The following ECT2L variants were observed in gnomAD, a reference collection of about 807,000 sequenced individuals.
ECT2L encodes the protein epithelial cell-transforming sequence 2 oncogene-like.
ECT2L carries 126 observed loss-of-function variants against 122.8 expected under a neutral mutation model. The ratio of observed to expected loss-of-function variants is 1.03; its 90% CI spans 0.89 to 1.19. The LOEUF (loss-of-function observed/expected upper bound fraction) is 1.19. Among genes scored for constraint, ECT2L ranks in the 50% most tolerant of loss-of-function variants. ECT2L has a pLI of 0.00. For synonymous variants in ECT2L, 385 were observed against 381.8 expected (o/e 1.01, Z -0.10); for missense variants, 1,012 against 1,064.1 (o/e 0.95, Z 0.68).
At chr6:138,835,941 G>A (rs1341059318) in intron 4 of ECT2L, among the ~76,000 whole-genome samples, 2 of 152,150 alleles carry the variant, frequency 1.3e-5, no homozygotes, top group African/African-American at 4.8e-5. Flanking sequence ...CTTATGACTT[G>A]ATACTTTTGA....
At position 138,886,123 on chromosome 6, in the gene ECT2L, C is replaced by CA. The variant is rs34777035; in HGVS notation, c.2259+304dup. Among the ~76,000 whole-genome samples, 32 of 145,558 alleles carry CA rather than the reference C, an allele frequency of 2.2e-4. 1 individual carries two copies. Among genetic ancestry groups the CA allele is most frequent in the Admixed American group, 8.1e-4 (12 of 14,906 alleles). On this transcript the variant is annotated intron_variant, in intron 18 of 21. Transcript: ENST00000541398. ...ACTGATTTTTTACACAACTAAAAGGCAAAAAAAAAAAGTAAAATCCTTTGT... is the reference window on the plus strand; with the variant it reads ...ACTGATTTTTTACACAACTAAAAGGCAAAAAAAAAAAAGTAAAATCCTTTGT...
chr6:138,803,084 A>T (rs897213005), intron 1 of ECT2L, among the ~76,000 whole-genome samples: 4 of 122,362 alleles, frequency 3.3e-5, no homozygotes, highest in South Asian at 3.0e-4. Context: ...CTCAAAAAAA[A>T]AAAAATAATA....
At chr6:138,888,769 T>C (rs1367769472) in intron 19 of ECT2L, among the ~76,000 whole-genome samples, 174 bp from the exon 20 acceptor site, 3 of 152,186 alleles carry the variant, frequency 2.0e-5, no homozygotes, top group African/African-American at 7.2e-5. Flanking sequence ...TCTTTGTCAA[T>C]ACTGTGGTCT....
At position 138,868,189 on chromosome 6, in the gene ECT2L, T is replaced by C. The variant is rs367570587; in HGVS notation, c.1561T>C (p.Leu521=). ...AQALADGLME[L]SKEDSERNVV... is the part of the protein sequence containing the mutation. ...AGCTCTGGCAGATGGATTGATGGAG[T>C]TGTCAAAAGAAGATTCTGTAAGTGT... The change falls in exon 13 of 22, where the codon TTG becomes CTG. Residue 521 remains leucine (L), a synonymous_variant. Transcript: ENST00000541398. 4.7e-5 allele frequency: 76 copies of C among 1,612,552 alleles called. No individual in the cohort carries two copies. Among genetic ancestry groups the C allele is most frequent in the Non-Finnish European group, 5.0e-5 (59 of 1,179,380 alleles).
chr6:138,864,331 A>G (rs538461179), intron 11 of ECT2L, among the ~76,000 whole-genome samples: 1 of 152,326 alleles, frequency 6.6e-6, no homozygotes, highest in South Asian at 2.1e-4. Flanking sequence ...AACAGAAACA[A>G]AAACATGTTG....
intron 8 of ECT2L, 23 bp downstream of exon 8, chr6:138,846,700 T>C (rs759405335): frequency 1.4e-6 from 2 of 1,469,424 alleles, no homozygotes; most frequent in Admixed American, 4.7e-5. Flanking sequence ...ATGAGGCCAG[T>C]CCTGTCCTGA....
chr6:138,888,923 TTTTG>T lies in ECT2L; in HGVS notation c.2326-16_2326-13del. 1.5e-6 allele frequency: 2 copies of T among 1,351,074 alleles called. No homozygotes were observed. The highest frequency in any genetic ancestry group is 2.0e-6 in the Non-Finnish European group (2 of 1,017,182). 83.7% of individuals were successfully genotyped at this position (1,351,074 alleles called of 1,614,324 possible). A position where few individuals can be genotyped will look rare whatever the true frequency, so the allele number is the denominator to read the frequency against. On this transcript the variant is annotated splice_polypyrimidine_tract_variant and intron_variant, in intron 19 of 21. Transcript: ENST00000541398. ...TAAAAAAATTTATATGTACTTCTAATTTTGTTTTTGATTTTACAGACTCTATCAG... is the reference window on the plus strand; with the variant it reads ...TAAAAAAATTTATATGTACTTCTAATTTTTTGATTTTACAGACTCTATCAG...
At chr6:138,890,505 T>C (rs1374161412) in intron 20 of ECT2L, among the ~76,000 whole-genome samples, 1 of 136,900 alleles carries the variant, frequency 7.3e-6, no homozygotes, top group Non-Finnish European at 1.6e-5. Context: ...TTTTTTTTTT[T>C]TTTTTTTTTT....
At chr6:138,857,692 A>T (rs982008439) in intron 10 of ECT2L, among the ~76,000 whole-genome samples, 13 of 152,022 alleles carry the variant, frequency 8.6e-5, no homozygotes, top group African/African-American at 2.7e-4. Context: ...CCCTCTTCTC[A>T]ATCTCCTTTG....
At chr6:138,835,846 C>A (rs1776817016) in intron 4 of ECT2L, among the ~76,000 whole-genome samples, 1 of 152,164 alleles carries the variant, frequency 6.6e-6, no homozygotes, top group Non-Finnish European at 1.5e-5. Context: ...GTCCAGAATC[C>A]AGCCCAGGGT....
intron 10 of ECT2L, among the ~76,000 whole-genome samples, chr6:138,854,499 C>T (rs1025724542): frequency 2.6e-5 from 4 of 152,218 alleles, no homozygotes; most frequent in African/African-American, 7.2e-5. Context: ...CACCCCCTGC[C>T]GCCTTCTGAA....
At chr6:138,893,415 T>A (rs185111011) in intron 20 of ECT2L, among the ~76,000 whole-genome samples, 2,858 of 151,344 alleles carry the variant, frequency 0.019, 62 homozygotes, top group East Asian at 0.067. Flanking sequence ...ATATATATAT[T>A]TTTTTATTTT....
chr6:138,890,761 A>G (rs1330484436), intron 20 of ECT2L, among the ~76,000 whole-genome samples: 1 of 151,886 alleles, frequency 6.6e-6, no homozygotes, highest in East Asian at 1.9e-4. Context: ...ATGTTCTACT[A>G]GGGTCAATGA....
chr6:138,834,894 T>TACACAC (rs544584441), intron 4 of ECT2L, among the ~76,000 whole-genome samples: 2,823 of 137,356 alleles, frequency 0.021, 49 homozygotes, highest in East Asian at 0.086. Flanking sequence ...TGCCCCCGTT[T>TACACAC]ACACACACAC....
At chr6:138,822,841 T>G in intron 4 of ECT2L, 1 of 1,613,882 alleles carries the variant, frequency 6.2e-7, no homozygotes, top group Non-Finnish European at 8.5e-7. Flanking sequence ...TTGATCTGTA[T>G]CAAAGAAGAT....
At chr6:138,870,737 G>A (rs565188795) in intron 13 of ECT2L, among the ~76,000 whole-genome samples, 13 of 152,222 alleles carry the variant, frequency 8.5e-5, no homozygotes, top group South Asian at 6.2e-4. Flanking sequence ...GGCTGGGCGC[G>A]GTGGCTCACG....
chr6:138,798,629 A>G (rs1396313386), intron 1 of ECT2L, among the ~76,000 whole-genome samples: 1 of 152,204 alleles, frequency 6.6e-6, no homozygotes, highest in African/African-American at 2.4e-5. Flanking sequence ...GGAAGTGCCA[A>G]TGTCAATTTC....
chr6:138,885,521 C>A lies in ECT2L; in HGVS notation c.2044C>A (p.Pro682Thr). The change falls in exon 17 of 22, where the codon CCA (proline) becomes ACA (threonine). Residue 682 changes from proline to threonine, a missense_variant. Transcript: ENST00000541398. ...CACCTTTTAGTGCAGAGAAATGATA[C>A]CAGCATTCCGAACTTTCCTGAAGAG... ...KTIEKCREMIPAFRTFLKRHD... is the reference protein window; with the variant it reads ...KTIEKCREMITAFRTFLKRHD... 6.2e-7 allele frequency: 1 copy of A among 1,614,094 alleles called. No homozygotes were observed.
At chr6:138,843,909 C>T (rs1359490979) in intron 6 of ECT2L, among the ~76,000 whole-genome samples, 9 of 152,058 alleles carry the variant, frequency 5.9e-5, no homozygotes, top group Middle Eastern at 3.2e-3. Flanking sequence ...AGGCTGGTCC[C>T]GAATTCCTGG....
Sources: allele counts gnomAD v4.1 joint callset (sites outside exome capture counted in the v4.1 genomes callset), GRCh38; gene constraint gnomAD v4.1.1; transcripts MANE v1.5; gene names NCBI Gene and HGNC (gene_info 2026-07-23, HGNC 2026-07-21).